Variants in FAM124A observed in about 807,000 individuals in gnomAD.
FAM124A encodes the protein protein FAM124A.
Under a neutral mutation model 24.5 loss-of-function variants are expected in FAM124A, and 23 were observed. That is an observed-to-expected ratio of 0.94 (90% confidence interval 0.68 to 1.33). FAM124A has a LOEUF of 1.33. Ranked by LOEUF, FAM124A falls within the 40% of genes most tolerant of loss-of-function variation. The probability of loss-of-function intolerance (pLI) is 0.00; values close to 1 mark genes in which losing one functional copy is unlikely to be tolerated. For synonymous variants in FAM124A, 287 were observed against 314.7 expected (o/e 0.91, Z 0.93); for missense variants, 623 against 722.8 (o/e 0.86, Z 1.58).
intron 1 of FAM124A, among the ~76,000 whole-genome samples, chr13:51,227,664 T>A (rs143259747): frequency 7.2e-4 from 109 of 152,366 alleles, no homozygotes; most frequent in African/African-American, 2.6e-3. Context: ...CAGTGCTTTA[T>A]AATGACTGTT....
intron 2 of FAM124A, among the ~76,000 whole-genome samples, chr13:51,239,046 C>T (rs1954464670): frequency 6.6e-6 from 1 of 152,132 alleles, no homozygotes; most frequent in Non-Finnish European, 1.5e-5. Flanking sequence ...TGGAGGCAGA[C>T]TTCTCGTGAC....
rs1295053906 is a variant in FAM124A at position 51,282,938 on chromosome 13, G to A, written c.*1682G>A. On this transcript the variant is annotated 3_prime_UTR_variant, in exon 4 of 4. Transcript: ENST00000322475. ...CTAGATAATAAGTATTTTAGGCTTTGCCAGTCATATGGTCTCTTGCAGCTA... is the reference window on the plus strand; with the variant it reads ...CTAGATAATAAGTATTTTAGGCTTTACCAGTCATATGGTCTCTTGCAGCTA... The A allele has an allele frequency of 1.4e-5, 2 of 142,838 alleles. No individual in the cohort carries two copies. The highest frequency in any genetic ancestry group is 3.0e-5 in the Non-Finnish European group (2 of 66,874). 8.8% of individuals were successfully genotyped at this position (142,838 alleles called of 1,614,324 possible).
At position 51,251,714 on chromosome 13, in the gene FAM124A, T is replaced by C; in HGVS notation, c.347T>C (p.Ile116Thr). 6.3e-7 allele frequency: 1 copy of C among 1,587,258 alleles called. No homozygotes were observed. ...CAGGAGGAGTACGGCGAAGAGCAGA[T>C]CCTGCAGCTGCACCGCACACTGCAG... Reference protein sequence around the residue: ...FLQEEYGEEQILQLHRTLQQP... With the variant: ...FLQEEYGEEQTLQLHRTLQQP... Residue 116 changes from isoleucine to threonine, a missense_variant, in exon 3 of 4, where the codon ATC becomes ACC. Coordinates refer to ENST00000322475, the MANE Select transcript of FAM124A (RefSeq NM_001242312.2). The surrounding 1 kb of genome is among the most constrained non-coding windows in gnomAD (Gnocchi z 5.3).
chr13:51,236,699 T>G (rs529803288), intron 2 of FAM124A, among the ~76,000 whole-genome samples: 67 of 150,562 alleles, frequency 4.4e-4, no homozygotes, highest in African/African-American at 1.2e-3. Context: ...TTATTTTCTT[T>G]CTGTTTTCAT....
rs1012588909 is a variant in FAM124A at position 51,251,296 on chromosome 13, G to A, written c.101-172G>A. Among the ~76,000 whole-genome samples the A allele has an allele frequency of 6.6e-6, 1 of 152,184 alleles. No homozygotes were observed. The highest frequency in any genetic ancestry group is 6.5e-5 in the Admixed American group (1 of 15,280). ...TTCCTCTTTGGCTGCTAAGGTGCTG[G>A]CATAGTAGTTTTTATAGGTAAACTT... On this transcript the variant is annotated intron_variant, in intron 2 of 3. Transcript: ENST00000322475. This position sits in a 1 kb window ranked among gnomAD's most constrained non-coding sequence, Gnocchi z 5.3.
At chr13:51,257,179 G>A (rs1954683962) in intron 3 of FAM124A, among the ~76,000 whole-genome samples, 1 of 152,154 alleles carries the variant, frequency 6.6e-6, no homozygotes, top group Admixed American at 6.5e-5. Context: ...CCTGCTTTCA[G>A]TTCTTTTGCA....
At position 51,272,043 on chromosome 13, in the gene FAM124A, T is replaced by C. The variant is rs1338280555; in HGVS notation, c.835-8407T>C. 6.6e-6 allele frequency among the ~76,000 whole-genome samples: 1 copy of C among 152,224 alleles called. No individual in the cohort carries two copies. Among genetic ancestry groups the C allele is most frequent in the Non-Finnish European group, 1.5e-5 (1 of 68,054 alleles). On this transcript the variant is annotated intron_variant, in intron 3 of 3. Coordinates refer to ENST00000322475, the MANE Select transcript of FAM124A (RefSeq NM_001242312.2). The surrounding 1 kb of genome is among the most constrained non-coding windows in gnomAD (Gnocchi z 4.2). ...GTCAAGTAGTCGGGGCTCACTTTTC[T>C]CTGAATTAGTGATTGGAGTCTAGGC...
At chr13:51,240,171 C>A (rs1156867560) in intron 2 of FAM124A, among the ~76,000 whole-genome samples, 1 of 152,218 alleles carries the variant, frequency 6.6e-6, no homozygotes, top group Non-Finnish European at 1.5e-5. Flanking sequence ...CAAGTCATAT[C>A]CTTTCAAGGT....
In FAM124A at chr13:51,280,704, GTT is replaced by G. The variant is rs1240519832; in HGVS notation, c.1092_1093del (p.Phe364LeufsTer14). 1.9e-6 allele frequency: 3 copies of G among 1,614,038 alleles called. No individual in the cohort carries two copies. In the South Asian group the frequency reaches 3.3e-5, roughly 18 times the overall value. The stretch of plus-strand genomic sequence containing the variant: ...GGTCTTTCCAGAGAAGCAAGTCCTT[GTT>G]TTGTTTGCCCACGGGAGGCCCCTCC... ...PWSFQRSKSL[F>X]CLPTGGPSLA... On this transcript the variant is annotated frameshift_variant, in exon 4 of 4. Transcript: ENST00000322475. LOFTEE classifies it low-confidence loss of function (END_TRUNC).
At chr13:51,245,720 T>C (rs1361865365) in intron 2 of FAM124A, among the ~76,000 whole-genome samples, 1 of 152,200 alleles carries the variant, frequency 6.6e-6, no homozygotes, top group African/African-American at 2.4e-5. Flanking sequence ...AGGCAAATGG[T>C]CTTGAGCAGG....
chr13:51,247,618 C>T (rs1008684176), intron 2 of FAM124A, among the ~76,000 whole-genome samples: 2 of 152,132 alleles, frequency 1.3e-5, no homozygotes, highest in African/African-American at 4.8e-5. Flanking sequence ...TGGTGTTTTT[C>T]CCCCCTCATT....
rs1566177647 is a variant in FAM124A at position 51,281,223 on chromosome 13, CG to C, written c.1612del (p.Asp538IlefsTer42). ...CACCACCCCCAGGGTCGGCTGGCCC[CG>C]GGGATAACGACATGGAGGAATTCTA... ...MPPPPGSAGPGDNDMEEFYI is the reference protein window; with the variant it reads ...MPPPPGSAGPXDNDMEEFYI On this transcript the variant is annotated frameshift_variant, in exon 4 of 4. Transcript: ENST00000322475. LOFTEE classifies it high-confidence loss of function. 1.9e-6 allele frequency: 3 copies of C among 1,592,640 alleles called. No homozygotes were observed. The highest frequency in any genetic ancestry group is 1.7e-6 in the Non-Finnish European group (2 of 1,171,026).
Position 51,272,501 on chromosome 13 carries a change from A to G in FAM124A, c.835-7949A>G, listed in dbSNP as rs1343903969. Among the ~76,000 whole-genome samples the G allele has an allele frequency of 6.6e-6, 1 of 152,028 alleles. No individual in the cohort carries two copies. The highest frequency in any genetic ancestry group is 1.5e-5 in the Non-Finnish European group (1 of 68,012). On this transcript the variant is annotated intron_variant, in intron 3 of 3. Transcript: ENST00000322475. This position sits in a 1 kb window ranked among gnomAD's most constrained non-coding sequence, Gnocchi z 4.2. ...GTTTGTACAGAAAGCAATTGACAGG[A>G]GTCGACAAATTAAAGACCACAGGCC...
rs1330483654 is a variant in FAM124A, at chr13:51,258,739, T to C, written c.834+6538T>C. Among the ~76,000 whole-genome samples, 1 of 152,220 alleles carries C rather than the reference T, an allele frequency of 6.6e-6. No individual in the cohort carries two copies. Among genetic ancestry groups the C allele is most frequent in the Non-Finnish European group, 1.5e-5 (1 of 68,048 alleles). On this transcript the variant is annotated intron_variant, in intron 3 of 3. Coordinates refer to ENST00000322475, the MANE Select transcript of FAM124A (RefSeq NM_001242312.2). The surrounding 1 kb of genome is among the most constrained non-coding windows in gnomAD (Gnocchi z 4.2). ...AAATCTGAACACTTAGGATGGTAAT[T>C]CTTCCCTAGCAGAGTCACTGAGACC...
rs368228373 is a variant in FAM124A at position 51,280,443 on chromosome 13, C to T, written c.835-7C>T. 12 of 1,580,286 alleles carry T rather than the reference C, an allele frequency of 7.6e-6. No individual in the cohort carries two copies. The Admixed American group carries it at 1.8e-4, about 23-fold the overall frequency. On this transcript the variant is annotated splice_polypyrimidine_tract_variant and splice_region_variant and intron_variant, in intron 3 of 3. Transcript: ENST00000322475. ...TGCACTAATGTGATCTGCCTCTCCC[C>T]CCACAGGCACAAAGGGTGCATAAGA...
intron 3 of FAM124A, among the ~76,000 whole-genome samples, chr13:51,267,425 C>G (rs551804965): frequency 1.4e-4 from 21 of 152,100 alleles, no homozygotes; most frequent in African/African-American, 4.8e-4. Flanking sequence ...ATAGATTTTT[C>G]TAGACCTCAA....
At chr13:51,256,954 A>G (rs1210169926) in intron 3 of FAM124A, among the ~76,000 whole-genome samples, 1 of 152,148 alleles carries the variant, frequency 6.6e-6, no homozygotes, top group Non-Finnish European at 1.5e-5. Context: ...TCTTTCTGTT[A>G]TTGGCTTATT....
intron 3 of FAM124A, among the ~76,000 whole-genome samples, chr13:51,254,860 A>C (rs996132160): frequency 1.3e-5 from 2 of 152,190 alleles, no homozygotes; most frequent in African/African-American, 2.4e-5. Flanking sequence ...GAATATTATT[A>C]ATTATGTATA....
Position 51,231,386 on chromosome 13 carries a change from A to G in FAM124A, c.100+7A>G, listed in dbSNP as rs748103446. Reference sequence around the variant, plus strand: ...CACCTGTCCTCCACGAGCAGTAAGTATCTTTTAAACATCCTTCAGCATTGT... The same window carrying G: ...CACCTGTCCTCCACGAGCAGTAAGTGTCTTTTAAACATCCTTCAGCATTGT... On this transcript the variant is annotated splice_region_variant and intron_variant, in intron 2 of 3. Transcript: ENST00000322475. The G allele has an allele frequency of 1.9e-6, 3 of 1,613,982 alleles. No individual in the cohort carries two copies. The highest frequency in any genetic ancestry group is 8.5e-7 in the Non-Finnish European group (1 of 1,179,976).
Sources: gnomAD v4.1 joint callset for allele counts (sites outside exome capture counted in the v4.1 genomes callset) on GRCh38, gnomAD v4.1.1 for gene constraint, Gnocchi (gnomAD v3.1) non-coding constraint, MANE v1.5 for transcripts, NCBI Gene and HGNC (gene_info 2026-07-23, HGNC 2026-07-21) for gene names.